CCDC160: variants seen among roughly 807,000 people sequenced by gnomAD.
CCDC160 encodes the protein coiled-coil domain containing 160.
For missense variants in CCDC160, 227 were observed against 215.6 expected, an observed-to-expected ratio of 1.05 and a Z score of -0.33; for synonymous variants, 94 against 79.4, an observed-to-expected ratio of 1.18 and a Z score of -0.98.
intron 1 of CCDC160, among the ~76,000 whole-genome samples, chrX:134,239,304 A>G (rs1231889052): frequency 8.9e-6 from 1 of 112,114 alleles, no homozygotes; most frequent in Admixed American, 9.5e-5. Context: ...CATCCTTGCT[A>G]ATCTTCAAAC....
At chrX:134,240,664 CTTTTTTTTTTTTTTTT>C (rs3045487) in intron 1 of CCDC160, among the ~76,000 whole-genome samples, 4,398 of 27,406 alleles carry the variant, frequency 0.16, 304 homozygotes, top group Admixed American at 0.5. Flanking sequence ...AAACCAAATT[CTTTTTTTTTTTTTTTT>C]TTTTTTTTTT....
At chrX:134,239,368 A>G (rs2077020493) in intron 1 of CCDC160, among the ~76,000 whole-genome samples, 1 of 112,150 alleles carries the variant, frequency 8.9e-6, no homozygotes, top group Non-Finnish European at 1.9e-5. Flanking sequence ...ACAGTGGGAC[A>G]TTTGGAAAAC....
chrX:134,245,265 A>G, exon 2 of CCDC160: 1 of 1,192,608 alleles, frequency 8.4e-7, no homozygotes, highest in South Asian at 1.9e-5. Flanking sequence ...AAGAACTGGA[A>G]GAACTTAATA....
At chrX:134,238,707 C>T (rs1453436407) in intron 1 of CCDC160, 43 bp from the exon 2 acceptor site, 2 of 111,399 alleles carry the variant, frequency 1.8e-5, no homozygotes, top group Non-Finnish European at 1.9e-5. Flanking sequence ...CAGATATAAA[C>T]ACGGGTTTGG....
At chrX:134,243,186 C>CT (rs1338509383) in intron 1 of CCDC160, among the ~76,000 whole-genome samples, 1 of 112,110 alleles carries the variant, frequency 8.9e-6, no homozygotes, top group East Asian at 2.8e-4. Flanking sequence ...AATTTAAAGT[C>CT]TGAGTTTATC....
chrX:134,246,034 T>TAC (rs1230640559), downstream of CCDC160: 2 of 198,076 alleles, frequency 1.0e-5, no homozygotes, highest in Non-Finnish European at 1.8e-5. Flanking sequence ...TGTGTGTGTG[T>TAC]ACACACACAC....
At chrX:134,238,367 C>CTTTTTTT (rs1161935568) in intron 1 of CCDC160, among the ~76,000 whole-genome samples, 11 of 75,534 alleles carry the variant, frequency 1.5e-4, no homozygotes, top group Non-Finnish European at 2.3e-4. Context: ...TATCACTTGT[C>CTTTTTTT]TTTTTTTTTT....
At chrX:134,237,819 G>A (rs368509168) in intron 1 of CCDC160, among the ~76,000 whole-genome samples, 2 of 111,996 alleles carry the variant, frequency 1.8e-5, no homozygotes, top group African/African-American at 3.2e-5. Flanking sequence ...GTGACTCCCC[G>A]TATCTTTTCT....
chrX:134,241,478 C>T lies in CCDC160; in HGVS notation c.-24-3299C>T, dbSNP rs1446452589. 2.4e-4 allele frequency among the ~76,000 whole-genome samples: 27 copies of T among 111,576 alleles called. No homozygotes were observed. In the Admixed American group the frequency reaches 2.6e-3, roughly 11 times the overall value. On this transcript the variant is annotated intron_variant, in intron 1 of 1. Coordinates refer to ENST00000370809, the Ensembl canonical transcript of CCDC160. ...ATAAATGATGATGTTTTCAGTGAGACACTAACTAGAACCATCAGGAATCCA... is the reference window on the plus strand; with the variant it reads ...ATAAATGATGATGTTTTCAGTGAGATACTAACTAGAACCATCAGGAATCCA...
chrX:134,241,400 T>A (rs1057380460), intron 1 of CCDC160, among the ~76,000 whole-genome samples: 1 of 111,311 alleles, frequency 9.0e-6, no homozygotes, highest in Non-Finnish European at 1.9e-5. Flanking sequence ...GATCTCTCAC[T>A]CCACAAAAAT....
At chrX:134,241,966 TA>T (rs757481653) in intron 1 of CCDC160, among the ~76,000 whole-genome samples, 1 of 111,675 alleles carries the variant, frequency 9.0e-6, no homozygotes, top group Non-Finnish European at 1.9e-5. Flanking sequence ...TCGTTCTGCA[TA>T]AAAAAACAAA....
exon 2 of CCDC160, chrX:134,245,159 G>A: frequency 8.3e-7 from 1 of 1,197,903 alleles, no homozygotes; most frequent in Non-Finnish European, 1.1e-6. Context: ...AACTCTACCT[G>A]CAGTACAGAT....
intron 1 of CCDC160, among the ~76,000 whole-genome samples, chrX:134,238,535 G>A (rs1372072020): frequency 2.7e-5 from 3 of 109,103 alleles, no homozygotes; most frequent in Non-Finnish European, 5.7e-5. Flanking sequence ...ACCACGCCCG[G>A]CTAATTTTTG....
chrX:134,245,768 AT>A lies in CCDC160; in HGVS notation c.976del (p.Ter326del). 2.7e-6 allele frequency: 3 copies of A among 1,113,038 alleles called. No individual in the cohort carries two copies. Among genetic ancestry groups the A allele is most frequent in the Admixed American group, 3.7e-5 (1 of 26,755 alleles). The allele number at this position is 1,113,038 out of a possible 1,213,427, so 91.7% of individuals were successfully genotyped here. A position where few individuals can be genotyped will look rare whatever the true frequency, so the allele number is the denominator to read the frequency against. ...AGTATCCTTGACCACTTTACTGGGGATTTTTTTTAAAACTTAAAAAAATCCT... is the reference window on the plus strand; with the variant it reads ...AGTATCCTTGACCACTTTACTGGGGATTTTTTTAAAACTTAAAAAAATCCT... On this transcript the variant is annotated frameshift_variant, in exon 2 of 2. Transcript: ENST00000370809. LOFTEE classifies it high-confidence loss of function.
chrX:134,246,669 A>T (rs1009481990), downstream of CCDC160, among the ~76,000 whole-genome samples: 5 of 111,987 alleles, frequency 4.5e-5, no homozygotes, highest in Middle Eastern at 9.3e-3. Flanking sequence ...AGGTGATGAC[A>T]ATTTATTTTA....
At chrX:134,245,049 G>A in exon 2 of CCDC160, 2 of 1,182,511 alleles carry the variant, frequency 1.7e-6, no homozygotes, top group Non-Finnish European at 1.1e-6. Flanking sequence ...GAGAGAACAA[G>A]AGAAACATTT....
At chrX:134,240,548 C>T (rs774094514) in intron 1 of CCDC160, among the ~76,000 whole-genome samples, 2 of 109,513 alleles carry the variant, frequency 1.8e-5, no homozygotes, top group African/African-American at 6.7e-5. Context: ...GAGCCTTTGG[C>T]ATTCTTCCAG....
chrX:134,241,273 T>C (rs2077026741), intron 1 of CCDC160, among the ~76,000 whole-genome samples: 1 of 111,847 alleles, frequency 8.9e-6, no homozygotes, highest in Admixed American at 9.5e-5. Flanking sequence ...TGACTGTTCT[T>C]TGCTTAGCTC....
intron 1 of CCDC160, among the ~76,000 whole-genome samples, chrX:134,241,693 T>C (rs1402298107): frequency 8.9e-6 from 1 of 112,096 alleles, no homozygotes; most frequent in Non-Finnish European, 1.9e-5. Context: ...TTCATCCCCA[T>C]TGGGCCTCCT....
Sources: allele counts gnomAD v4.1 joint callset (sites outside exome capture counted in the v4.1 genomes callset), GRCh38; gene constraint gnomAD v4.1.1; transcripts MANE v1.5; gene names NCBI Gene and HGNC (gene_info 2026-07-23, HGNC 2026-07-21).